IBTK: variants seen among roughly 807,000 people sequenced by gnomAD.
The protein encoded by IBTK is BTK-binding protein.
Under a neutral mutation model 154.9 loss-of-function variants are expected in IBTK, and 83 were observed. That is an observed-to-expected ratio of 0.54 (90% CI 0.45 to 0.64). The LOEUF is 0.64. Ranked by LOEUF, IBTK falls within the 30% of genes least tolerant of loss-of-function variation. The pLI, the probability that IBTK is intolerant of heterozygous loss-of-function variation, is 0.00. For missense variants in IBTK, 1,332 were observed against 1,584.6 expected (o/e 0.84, Z 2.71); for synonymous variants, 515 against 536.1 (o/e 0.96, Z 0.54).
At chr6:82,188,132 C>T (rs1455593951) in intron 25 of IBTK, among the ~76,000 whole-genome samples, 2 of 152,140 alleles carry the variant, frequency 1.3e-5, no homozygotes, top group African/African-American at 4.8e-5. Context: ...GAATCTGATA[C>T]GTTACCCTAT....
At chr6:82,188,518 T>C (rs1016938199) in intron 25 of IBTK, among the ~76,000 whole-genome samples, 2 of 152,204 alleles carry the variant, frequency 1.3e-5, no homozygotes, top group Non-Finnish European at 2.9e-5. Flanking sequence ...TTCTTATACT[T>C]GTTGCGTGGT....
chr6:82,242,128 G>C (rs1043430647), intron 1 of IBTK, among the ~76,000 whole-genome samples: 1 of 152,184 alleles, frequency 6.6e-6, no homozygotes, highest in Non-Finnish European at 1.5e-5. Flanking sequence ...CCAGCACTTT[G>C]GGAGGCCGAG....
intron 8 of IBTK, among the ~76,000 whole-genome samples, chr6:82,221,014 C>CT (rs1419304342): frequency 6.6e-6 from 1 of 150,860 alleles, no homozygotes; most frequent in Admixed American, 6.6e-5. Flanking sequence ...CTAATTCAAA[C>CT]ATTCACTCTG....
intron 26 of IBTK, chr6:82,175,029 A>G (rs1160353369): frequency 1.3e-5 from 6 of 455,996 alleles, no homozygotes; most frequent in Admixed American, 2.3e-5. Flanking sequence ...AAAGCATCAC[A>G]CACTGTTATT....
At chr6:82,211,427 G>T in intron 14 of IBTK, 23 bp from the exon 15 acceptor site, 1 of 1,605,066 alleles carries the variant, frequency 6.2e-7, no homozygotes, top group Non-Finnish European at 8.5e-7. Flanking sequence ...AAAGTTCAAT[G>T]CAATAAGAAT....
chr6:82,210,955 C>A (rs779481011), intron 15 of IBTK, 45 bp from the exon 16 acceptor site: 1 of 1,110,018 alleles, frequency 9.0e-7, no homozygotes, highest in Non-Finnish European at 1.3e-6. Flanking sequence ...TCATTCTAAA[C>A]AATAAAATAT....
chr6:82,244,220 T>C (rs1172994450), intron 1 of IBTK, among the ~76,000 whole-genome samples: 1 of 152,254 alleles, frequency 6.6e-6, no homozygotes, highest in Non-Finnish European at 1.5e-5. Flanking sequence ...ATTACTATTG[T>C]TTCTTCAGTC....
chr6:82,199,287 CAGTA>C (rs1769111166), intron 21 of IBTK, among the ~76,000 whole-genome samples: 3 of 151,846 alleles, frequency 2.0e-5, no homozygotes, highest in African/African-American at 4.8e-5. Context: ...AAAGAGGAGA[CAGTA>C]AGCAACAAAG....
intron 26 of IBTK, among the ~76,000 whole-genome samples, chr6:82,180,660 G>A (rs1036970747): frequency 1.3e-5 from 2 of 152,100 alleles, no homozygotes; most frequent in African/African-American, 2.4e-5. Context: ...GCAAGAAAAC[G>A]GCTCAAGAAC....
chr6:82,237,649 GAAGA>G (rs1426024140), intron 2 of IBTK, among the ~76,000 whole-genome samples: 3 of 121,180 alleles, frequency 2.5e-5, no homozygotes, highest in South Asian at 3.0e-4. Flanking sequence ...AGTAGTAGTA[GAAGA>G]TAGTAGTGGT....
At chr6:82,218,751 C>T (rs1769965316) in intron 9 of IBTK, among the ~76,000 whole-genome samples, 1 of 152,134 alleles carries the variant, frequency 6.6e-6, no homozygotes, top group Non-Finnish European at 1.5e-5. Flanking sequence ...ATTGTTTTAT[C>T]TGTTTCATAT....
chr6:82,193,745 G>A (rs953197188), intron 23 of IBTK, among the ~76,000 whole-genome samples: 5 of 152,034 alleles, frequency 3.3e-5, no homozygotes, highest in South Asian at 2.1e-4. Context: ...GCAGTGGCGC[G>A]ATCTGGGCTC....
At chr6:82,193,125 A>G (rs977602707) in intron 23 of IBTK, among the ~76,000 whole-genome samples, 2 of 151,906 alleles carry the variant, frequency 1.3e-5, no homozygotes, top group Non-Finnish European at 2.9e-5. Context: ...ATATTACTTC[A>G]TATTAAAGGG....
intron 8 of IBTK, 147 bp from the exon 9 acceptor site, chr6:82,220,860 C>A (rs1770070774): frequency 1.6e-6 from 1 of 606,706 alleles, no homozygotes. Context: ...TATCTCTAGC[C>A]TTCCATTCTG....
chr6:82,185,409 C>G (rs1483842812), intron 25 of IBTK, among the ~76,000 whole-genome samples: 1 of 150,910 alleles, frequency 6.6e-6, no homozygotes, highest in Non-Finnish European at 1.5e-5. Flanking sequence ...AAAAAATTAG[C>G]TGAGCATGCT....
intron 8 of IBTK, 126 bp downstream of exon 8, chr6:82,223,314 G>GT: frequency 1.5e-6 from 1 of 676,312 alleles, no homozygotes; most frequent in Non-Finnish European, 2.2e-6. Flanking sequence ...AATTCCTGAT[G>GT]TTTTTCCTCA....
chr6:82,177,197 TTTGTTGTTG>T (rs149045065), intron 26 of IBTK, among the ~76,000 whole-genome samples: 10 of 150,768 alleles, frequency 6.6e-5, no homozygotes, highest in Admixed American at 6.6e-5. Context: ...TTCTTTTTGT[TTTGTTGTTG>T]TTGTTGTTGT....
At chr6:82,189,792 G>A (rs1161984973) in intron 25 of IBTK, among the ~76,000 whole-genome samples, 1 of 152,208 alleles carries the variant, frequency 6.6e-6, no homozygotes, top group Non-Finnish European at 1.5e-5. Context: ...ATATTACCAA[G>A]TCCAAAGCTT....
chr6:82,210,798 T>TAA lies in IBTK; in HGVS notation c.2509+14_2509+15dup, dbSNP rs1179449347. 1.7e-6 allele frequency: 2 copies of TAA among 1,199,310 alleles called. No individual in the cohort carries two copies. The highest frequency in any genetic ancestry group is 1.2e-6 in the Non-Finnish European group (1 of 849,006). The allele number at this position is 1,199,310 out of a possible 1,614,324, so 74.3% of individuals were successfully genotyped here. Reference sequence around the variant, plus strand: ...TATATGTGAAGTATCTACAATGTCCTAACTCTTATTAATACCTTTTATCAC... The same window carrying TAA: ...TATATGTGAAGTATCTACAATGTCCTAAAACTCTTATTAATACCTTTTATCAC... On this transcript the variant is annotated intron_variant, in intron 16 of 28. Coordinates refer to ENST00000306270, the MANE Select transcript of IBTK (RefSeq NM_015525.4).
Sources: allele counts gnomAD v4.1 joint callset (sites outside exome capture counted in the v4.1 genomes callset), GRCh38; gene constraint gnomAD v4.1.1; transcripts MANE v1.5; gene names NCBI Gene and HGNC (gene_info 2026-07-23, HGNC 2026-07-21).